MIPEP: variants seen among roughly 807,000 people sequenced by gnomAD.
MIPEP encodes mitochondrial intermediate peptidase.
Under a neutral mutation model 90.3 loss-of-function variants are expected in MIPEP, and 79 were observed. The observed-to-expected ratio is 0.87, with a 90% confidence interval of 0.73 to 1.05. The LOEUF is 1.05. MIPEP is among the 50% of genes least tolerant of loss of function. The pLI is 0.00. For synonymous variants in MIPEP, 334 were observed against 315.8 expected (o/e 1.06, Z -0.61); for missense variants, 940 against 905.6 (o/e 1.04, Z -0.49).
At chr13:23,805,889 G>A in intron 16 of MIPEP, 61 bp downstream of exon 16, 1 of 1,552,288 alleles carries the variant, frequency 6.4e-7, no homozygotes, top group Non-Finnish European at 8.8e-7. Context: ...ATAATCACAA[G>A]CTACAGAAGT....
intron 14 of MIPEP, among the ~76,000 whole-genome samples, chr13:23,832,444 T>C (rs1329128161): frequency 6.6e-6 from 1 of 151,784 alleles, no homozygotes; most frequent in Non-Finnish European, 1.5e-5. Flanking sequence ...TAAATATAAA[T>C]AGGTAAATAA....
At chr13:23,883,969 C>T (rs1256579834) in intron 2 of MIPEP, among the ~76,000 whole-genome samples, 3 of 152,112 alleles carry the variant, frequency 2.0e-5, no homozygotes, top group Admixed American at 2.0e-4. Context: ...CAGTAAGATA[C>T]TTTATCAGTT....
rs1441316009 is a variant in MIPEP, at chr13:23,870,033, C to T, written c.766G>A (p.Ala256Thr). Residue 256 changes from alanine (A) to threonine (T), a missense_variant, in exon 6 of 19, where the codon GCA becomes ACA. Physicochemically the swap from Ala to Thr is moderately conservative, Grantham distance 58 (BLOSUM62 0). Coordinates refer to ENST00000382172, the MANE Select transcript of MIPEP (RefSeq NM_005932.4). ...GDHIIIDGLH[A>T]ESPDDLVREA... ...CATACCAAGTCATCTGGTGATTCTGCGTGGAGACCATCAATTATGATATGA... is the reference window on the plus strand; with the variant it reads ...CATACCAAGTCATCTGGTGATTCTGTGTGGAGACCATCAATTATGATATGA... The T allele has an allele frequency of 1.6e-5, 25 of 1,598,460 alleles. 1 individual carries two copies. Among genetic ancestry groups the T allele is most frequent in the African/African-American group, 2.7e-5 (2 of 74,310 alleles).
intron 10 of MIPEP, among the ~76,000 whole-genome samples, chr13:23,852,525 A>G (rs1215285486): frequency 6.6e-6 from 1 of 152,174 alleles, no homozygotes; most frequent in Non-Finnish European, 1.5e-5. Context: ...ACCTAGTAAC[A>G]TTGTAGCTGT....
intron 13 of MIPEP, among the ~76,000 whole-genome samples, chr13:23,836,691 T>G (rs1015859732): frequency 6.6e-6 from 1 of 152,264 alleles, no homozygotes; most frequent in Non-Finnish European, 1.5e-5. Context: ...ATAGCGTTTG[T>G]ATTTAATTCA....
chr13:23,868,689 G>C (rs1002649777), intron 7 of MIPEP, among the ~76,000 whole-genome samples: 1 of 152,048 alleles, frequency 6.6e-6, no homozygotes, highest in Non-Finnish European at 1.5e-5. Context: ...AATTACAACT[G>C]TAAGTTAATA....
At chr13:23,850,857 G>C (rs781460488) in intron 10 of MIPEP, among the ~76,000 whole-genome samples, 3 of 152,242 alleles carry the variant, frequency 2.0e-5, no homozygotes, top group Non-Finnish European at 4.4e-5. Context: ...GCTGCCTCTT[G>C]CTTTAGGAAG....
intron 10 of MIPEP, among the ~76,000 whole-genome samples, chr13:23,852,515 A>T (rs944611944): frequency 9.2e-5 from 14 of 151,974 alleles, no homozygotes; most frequent in Admixed American, 9.2e-4. Context: ...AATTTCTATC[A>T]CCTAGTAACA....
intron 14 of MIPEP, among the ~76,000 whole-genome samples, chr13:23,812,650 C>G (rs1417802109): frequency 6.6e-6 from 1 of 152,008 alleles, no homozygotes; most frequent in African/African-American, 2.4e-5. Context: ...TCTTCCCTAC[C>G]AGCAAACCAG....
At chr13:23,800,175 T>C (rs1953017959) in intron 16 of MIPEP, among the ~76,000 whole-genome samples, 1 of 152,236 alleles carries the variant, frequency 6.6e-6, no homozygotes, top group Non-Finnish European at 1.5e-5. Flanking sequence ...TGTTCATGTT[T>C]TGTACTTGAA....
intron 18 of MIPEP, among the ~76,000 whole-genome samples, chr13:23,739,256 G>A (rs866988403): frequency 1.3e-5 from 2 of 152,224 alleles, no homozygotes; most frequent in Admixed American, 6.5e-5. Flanking sequence ...AGAAAGGGAC[G>A]TGGTGTCAGT....
chr13:23,878,488 A>G (rs1404527475), intron 4 of MIPEP, among the ~76,000 whole-genome samples: 1 of 152,236 alleles, frequency 6.6e-6, no homozygotes, highest in Non-Finnish European at 1.5e-5. Context: ...AGAAGGAAAC[A>G]GGATCAGAAA....
intron 7 of MIPEP, among the ~76,000 whole-genome samples, chr13:23,865,230 T>G (rs1412864120): frequency 6.6e-6 from 1 of 152,228 alleles, no homozygotes; most frequent in Non-Finnish European, 1.5e-5. Context: ...TCATATGTAT[T>G]TTAGTTCACC....
chr13:23,841,498 G>A lies in MIPEP; in HGVS notation c.1107-10C>T. ...GGGCTCAATATTATACCTAAGAGAA[G>A]GAAGAGAGGTTCAACAGCATCTTTG... On this transcript the variant is annotated splice_polypyrimidine_tract_variant and intron_variant, in intron 10 of 18. Transcript: ENST00000382172. 1 of 1,588,474 alleles carries A rather than the reference G, an allele frequency of 6.3e-7. No individual in the cohort carries two copies. Among genetic ancestry groups the A allele is most frequent in the Non-Finnish European group, 8.5e-7 (1 of 1,172,114 alleles).
At chr13:23,811,056 C>T (rs902047550) in intron 14 of MIPEP, among the ~76,000 whole-genome samples, 3 of 152,130 alleles carry the variant, frequency 2.0e-5, no homozygotes, top group African/African-American at 7.2e-5. Flanking sequence ...ACACCAGGGG[C>T]GCTCATCTTG....
At chr13:23,818,435 T>C (rs1480154137) in intron 14 of MIPEP, among the ~76,000 whole-genome samples, 1 of 137,506 alleles carries the variant, frequency 7.3e-6, no homozygotes, top group Non-Finnish European at 1.6e-5. Context: ...CAAAAATTAA[T>C]AAAAATAAAT....
chr13:23,831,184 A>G (rs907615325), intron 14 of MIPEP, among the ~76,000 whole-genome samples: 2 of 152,154 alleles, frequency 1.3e-5, no homozygotes, highest in Non-Finnish European at 2.9e-5. Flanking sequence ...AATGCAAAGG[A>G]AAGGTAAAAG....
Position 23,809,838 on chromosome 13 carries a change from G to C in MIPEP, c.1728+12C>G, listed in dbSNP as rs2137408939. Reference sequence around the variant, plus strand: ...GACTCCGGAAAACTTCAGAACAAAGGTACATACATACCTGAAGTTGCATAT... The same window carrying C: ...GACTCCGGAAAACTTCAGAACAAAGCTACATACATACCTGAAGTTGCATAT... On this transcript the variant is annotated intron_variant, in intron 15 of 18. Coordinates refer to ENST00000382172, the MANE Select transcript of MIPEP (RefSeq NM_005932.4). 6.3e-7 allele frequency: 1 copy of C among 1,583,142 alleles called. No homozygotes were observed. Among genetic ancestry groups the C allele is most frequent in the East Asian group, 2.2e-5 (1 of 44,640 alleles).
intron 4 of MIPEP, among the ~76,000 whole-genome samples, chr13:23,877,215 A>ATT (rs2137530343): frequency 6.6e-6 from 1 of 152,348 alleles, no homozygotes; most frequent in South Asian, 2.1e-4. Flanking sequence ...AATTCTTTAT[A>ATT]AATTGGATAG....
Sources: gnomAD v4.1 joint callset for allele counts (sites outside exome capture counted in the v4.1 genomes callset) on GRCh38, gnomAD v4.1.1 for gene constraint, MANE v1.5 for transcripts, NCBI Gene and HGNC (gene_info 2026-07-23, HGNC 2026-07-21) for gene names.